Variants in SYNPR observed in about 807,000 individuals in gnomAD.
SYNPR encodes synaptoporin.
In SYNPR, 23 loss-of-function variants were observed where a neutral mutation model predicts 32.9. The observed-to-expected ratio is 0.70, with a 90% CI of 0.50 to 0.99. The LOEUF (loss-of-function observed/expected upper bound fraction) is 0.99, where lower values mean the gene tolerates loss of function less well. SYNPR is among the 50% of genes least tolerant of loss of function. The pLI is 0.00. For missense variants in SYNPR, 318 were observed against 349.3 expected (o/e 0.91, Z 0.71); for synonymous variants, 146 against 135.9 (o/e 1.07, Z -0.52).
intron 2 of SYNPR, among the ~76,000 whole-genome samples, chr3:63,442,812 C>A (rs1003895706): frequency 2.0e-5 from 3 of 152,074 alleles, no homozygotes; most frequent in African/African-American, 7.2e-5. Flanking sequence ...ACGAGTTTCC[C>A]AAATGGGGAT....
intron 2 of SYNPR, among the ~76,000 whole-genome samples, chr3:63,322,095 C>G (rs142436903): frequency 4.9e-4 from 75 of 152,060 alleles, no homozygotes; most frequent in African/African-American, 1.8e-3. Flanking sequence ...CCTGCTTGGC[C>G]AGAATGTTAG....
chr3:63,434,106 T>A (rs549657829), intron 2 of SYNPR, among the ~76,000 whole-genome samples: 1 of 152,170 alleles, frequency 6.6e-6, no homozygotes, highest in Admixed American at 6.5e-5. Flanking sequence ...CTACGTTTCA[T>A]AAACTACATG....
At chr3:63,542,188 C>T (rs1439404997) in intron 3 of SYNPR, among the ~76,000 whole-genome samples, 2 of 152,098 alleles carry the variant, frequency 1.3e-5, no homozygotes, top group Non-Finnish European at 2.9e-5. Context: ...ATGTTTTCTT[C>T]TGTATTGGCC....
chr3:63,508,319 T>C (rs569027946), intron 3 of SYNPR, among the ~76,000 whole-genome samples: 1 of 152,324 alleles, frequency 6.6e-6, no homozygotes, highest in East Asian at 1.9e-4. Context: ...CCTAACTTTC[T>C]GGAGCTCTCA....
rs114106829 is a variant in SYNPR at position 63,243,963 on chromosome 3, A to T, written n.67-8536A>T. Among the ~76,000 whole-genome samples, 1,289 of 152,250 alleles carry T rather than the reference A, an allele frequency of 8.5e-3. 10 individuals carry two copies. The highest frequency in any genetic ancestry group is 0.029 in the African/African-American group (1,206 of 41,558). ...CTTATAACACAAACTATAGATTCTT[A>T]TATCAGGGAAAAGAGCCCTTTAAGT... On this transcript the variant is annotated intron_variant and non_coding_transcript_variant, in intron 1 of 4. Transcript: ENST00000478456.
chr3:63,207,301 C>G, the SYNPR span, among the ~76,000 whole-genome samples: 1 of 152,152 alleles, frequency 6.6e-6, no homozygotes, highest in African/African-American at 2.4e-5. Flanking sequence ...TATTAATTTT[C>G]CTCTATAAAG....
intron 3 of SYNPR, among the ~76,000 whole-genome samples, chr3:63,529,296 A>T (rs966179608): frequency 6.6e-6 from 1 of 152,246 alleles, no homozygotes; most frequent in Non-Finnish European, 1.5e-5. Flanking sequence ...TAGTAAATGC[A>T]ATGTAAATGC....
At chr3:63,271,120 G>T (rs1044111537) in intron 3 of SYNPR, among the ~76,000 whole-genome samples, 2 of 151,084 alleles carry the variant, frequency 1.3e-5, no homozygotes, top group Non-Finnish European at 2.9e-5. Flanking sequence ...AAGAACCTAT[G>T]TAATTGTACC....
intron 5 of SYNPR, 67 bp from the exon 6 acceptor site, chr3:63,615,157 C>A: frequency 6.5e-7 from 1 of 1,540,724 alleles, no homozygotes; most frequent in Non-Finnish European, 8.8e-7. Context: ...AAGGATTTTT[C>A]CAAAATTGAA....
chr3:63,453,310 T>C lies in SYNPR; in HGVS notation c.85-27522T>C, dbSNP rs530393222. On this transcript the variant is annotated intron_variant, in intron 2 of 5. Transcript: ENST00000478300. ...TCAGGAACCCCCCAACAGAAGAGCC[T>C]GGGGAGGAAGATTCCACAGAAACTC... Among the ~76,000 whole-genome samples, 3 of 152,230 alleles carry C rather than the reference T, an allele frequency of 2.0e-5. No homozygotes were observed. In the South Asian group the frequency reaches 6.2e-4, roughly 32 times the overall value.
At chr3:63,409,251 A>G (rs1157680046) in intron 2 of SYNPR, among the ~76,000 whole-genome samples, 1 of 152,188 alleles carries the variant, frequency 6.6e-6, no homozygotes, top group East Asian at 1.9e-4. Flanking sequence ...CTTTAAGAAC[A>G]TATTTTAGGA....
chr3:63,370,519 TGTA>T (rs2087797950), intron 2 of SYNPR, among the ~76,000 whole-genome samples: 1 of 152,222 alleles, frequency 6.6e-6, no homozygotes, highest in Non-Finnish European at 1.5e-5. Flanking sequence ...AAGTGGAATT[TGTA>T]CTCGCCCAAA....
At position 63,282,472 on chromosome 3, in the gene SYNPR, A is replaced by G. The variant is rs970693627; in HGVS notation, c.84+3730A>G. Reference sequence around the variant, plus strand: ...TCAAAAAGAATAGGAATACATTTTTATTGTCCGTACTATGATCAAATAAAA... The same window carrying G: ...TCAAAAAGAATAGGAATACATTTTTGTTGTCCGTACTATGATCAAATAAAA... On this transcript the variant is annotated intron_variant, in intron 2 of 5. Transcript: ENST00000478300. Among the ~76,000 whole-genome samples the G allele has an allele frequency of 4.6e-5, 7 of 152,182 alleles. No individual in the cohort carries two copies. The South Asian group carries it at 1.2e-3, about 27-fold the overall frequency.
intron 3 of SYNPR, among the ~76,000 whole-genome samples, chr3:63,498,340 T>G (rs999401028): frequency 6.6e-6 from 1 of 152,100 alleles, no homozygotes; most frequent in South Asian, 2.1e-4. Flanking sequence ...CTGTTCTTGG[T>G]GCCGGGAATC....
At chr3:63,569,879 G>C (rs57854852) in intron 4 of SYNPR, among the ~76,000 whole-genome samples, 6,189 of 152,242 alleles carry the variant, frequency 0.041, 375 homozygotes, top group African/African-American at 0.13. Flanking sequence ...CCGCAGTTCT[G>C]TATGTGGCAA....
intron 3 of SYNPR, among the ~76,000 whole-genome samples, chr3:63,543,658 T>C (rs1702346616): frequency 1.3e-5 from 2 of 152,074 alleles, no homozygotes; most frequent in African/African-American, 4.8e-5. Context: ...GTCTTTCCTA[T>C]CAAACCCTTG....
At chr3:63,476,572 A>G (rs1051817758) in intron 2 of SYNPR, among the ~76,000 whole-genome samples, 2 of 152,140 alleles carry the variant, frequency 1.3e-5, no homozygotes, top group African/African-American at 4.8e-5. Context: ...AGACTGGACC[A>G]TTTGAGAATC....
At chr3:63,208,325 A>G in the SYNPR span, among the ~76,000 whole-genome samples, 1 of 152,132 alleles carries the variant, frequency 6.6e-6, no homozygotes, top group East Asian at 1.9e-4. Flanking sequence ...TGCCTCCTGA[A>G]TTGGGGTATG....
At chr3:63,471,374 C>T (rs1700793264) in intron 2 of SYNPR, among the ~76,000 whole-genome samples, 2 of 152,144 alleles carry the variant, frequency 1.3e-5, no homozygotes, top group African/African-American at 4.8e-5. Flanking sequence ...ATGAAGTTCC[C>T]ATCTGAGGTT....
Sources: gnomAD v4.1 joint callset for allele counts (sites outside exome capture counted in the v4.1 genomes callset) on GRCh38, gnomAD v4.1.1 for gene constraint, MANE v1.5 for transcripts, NCBI Gene and HGNC (gene_info 2026-07-23, HGNC 2026-07-21) for gene names.